The following BMPER variants were observed in gnomAD, a reference collection of about 807,000 sequenced individuals.
BMPER encodes the protein BMP binding endothelial regulator.
Under a neutral mutation model 87.3 loss-of-function variants are expected in BMPER, and 45 were observed. The ratio of observed to expected loss-of-function variants is 0.52; its 90% confidence interval spans 0.41 to 0.66. BMPER has a LOEUF of 0.66. Among genes scored for constraint, BMPER ranks in the 30% least tolerant of loss-of-function variants. The pLI, the probability that BMPER is intolerant of heterozygous loss-of-function variation, is 0.00. For synonymous variants in BMPER, 326 were observed against 316.2 expected (o/e 1.03, Z -0.33); for missense variants, 784 against 867.5 (o/e 0.90, Z 1.21).
intron 6 of BMPER, among the ~76,000 whole-genome samples, chr7:33,976,917 G>C (rs188442704): frequency 6.6e-6 from 1 of 152,232 alleles, no homozygotes; most frequent in African/African-American, 2.4e-5. Context: ...TTTCTGCCTA[G>C]TGAGTTCTTG....
intron 6 of BMPER, among the ~76,000 whole-genome samples, chr7:34,000,674 G>C (rs897534318): frequency 6.6e-6 from 1 of 152,016 alleles, no homozygotes; most frequent in Non-Finnish European, 1.5e-5. Context: ...GGGTGTGCAT[G>C]ATACTATATT....
chr7:34,106,806 G>C (rs1789831290), intron 13 of BMPER, among the ~76,000 whole-genome samples: 1 of 152,180 alleles, frequency 6.6e-6, no homozygotes, highest in African/African-American at 2.4e-5. Flanking sequence ...TCAAACCTCT[G>C]GTCCAGTCAG....
chr7:34,098,925 A>G lies in BMPER; in HGVS notation c.1745+12833A>G, dbSNP rs368154995. On this transcript the variant is annotated intron_variant, in intron 13 of 14. Transcript: ENST00000649409. Reference sequence around the variant, plus strand: ...ATCAGATGTCTGAAAACAGAGGGCTATATTGCTATAATGAGCCCATTGCCT... The same window carrying G: ...ATCAGATGTCTGAAAACAGAGGGCTGTATTGCTATAATGAGCCCATTGCCT... Among the ~76,000 whole-genome samples the G allele has an allele frequency of 2.6e-5, 4 of 152,240 alleles. No individual in the cohort carries two copies. In the East Asian group the frequency reaches 7.7e-4, roughly 29 times the overall value.
Position 33,987,352 on chromosome 7 carries a change from A to G in BMPER, c.576+12568A>G, listed in dbSNP as rs150825295. Among the ~76,000 whole-genome samples, 112 of 152,232 alleles carry G rather than the reference A, an allele frequency of 7.4e-4. 1 individual carries two copies. Among genetic ancestry groups the G allele is most frequent in the Non-Finnish European group, 4.6e-4 (31 of 68,006 alleles). ...TGTGTTTGCATCTCAGGGAGCCACA[A>G]TCCTCTCTGAAGATTGGAGGATGCT... On this transcript the variant is annotated intron_variant, in intron 6 of 14. Coordinates refer to ENST00000649409, the MANE Select transcript of BMPER (RefSeq NM_001365308.1).
intron 6 of BMPER, among the ~76,000 whole-genome samples, chr7:33,984,619 C>A (rs2127919843): frequency 6.6e-6 from 1 of 152,228 alleles, no homozygotes; most frequent in African/African-American, 2.4e-5. Flanking sequence ...TAAATTTATC[C>A]TCCTGGTAGA....
At chr7:33,913,775 G>A (rs1271600380) in intron 2 of BMPER, among the ~76,000 whole-genome samples, 4 of 152,118 alleles carry the variant, frequency 2.6e-5, no homozygotes, top group Admixed American at 1.3e-4. Context: ...TCCAGAGCAG[G>A]GCACTGCTAC....
chr7:33,918,867 G>A (rs1378726111), intron 2 of BMPER, among the ~76,000 whole-genome samples: 1 of 152,196 alleles, frequency 6.6e-6, no homozygotes, highest in Non-Finnish European at 1.5e-5. Flanking sequence ...TCCCTTAGAG[G>A]TGACTCAAAT....
chr7:34,043,399 A>T (rs1787880763), intron 6 of BMPER, among the ~76,000 whole-genome samples: 1 of 152,028 alleles, frequency 6.6e-6, no homozygotes, highest in Non-Finnish European at 1.5e-5. Flanking sequence ...ATTGATGTAG[A>T]CCTATAAGTG....
chr7:34,043,764 A>G (rs886641739), intron 6 of BMPER, among the ~76,000 whole-genome samples: 4 of 152,220 alleles, frequency 2.6e-5, no homozygotes, highest in Non-Finnish European at 5.9e-5. Context: ...TGCTGGAAAG[A>G]AGGCCTGGTC....
At chr7:33,978,702 G>A (rs558283969) in intron 6 of BMPER, among the ~76,000 whole-genome samples, 1 of 152,294 alleles carries the variant, frequency 6.6e-6, no homozygotes, top group South Asian at 2.1e-4. Flanking sequence ...TGCATTGTAA[G>A]TTGAAGATAT....
intron 4 of BMPER, among the ~76,000 whole-genome samples, chr7:33,969,430 C>T (rs1403405103): frequency 6.6e-6 from 1 of 152,194 alleles, no homozygotes; most frequent in Non-Finnish European, 1.5e-5. Context: ...GATGGAGTCT[C>T]GCTCTGTCGT....
intron 3 of BMPER, chr7:33,939,966 GT>G: frequency 3.2e-6 from 1 of 313,844 alleles, no homozygotes; most frequent in Non-Finnish European, 7.4e-6. Context: ...TGTCTCAAGG[GT>G]TTTAAGGGAC....
chr7:33,939,940 C>A, intron 3 of BMPER: 1 of 285,592 alleles, frequency 3.5e-6, no homozygotes, highest in Non-Finnish European at 8.1e-6. Flanking sequence ...CTCTTTCTAC[C>A]TCGTAATACA....
chr7:34,026,264 C>G (rs1405001529), intron 6 of BMPER, among the ~76,000 whole-genome samples: 1 of 151,900 alleles, frequency 6.6e-6, no homozygotes, highest in Non-Finnish European at 1.5e-5. Flanking sequence ...TAGGGACAGT[C>G]AGGGGGATGA....
At chr7:33,960,729 G>A (rs1044754677) in intron 3 of BMPER, among the ~76,000 whole-genome samples, 14 of 152,218 alleles carry the variant, frequency 9.2e-5, no homozygotes, top group African/African-American at 3.4e-4. Context: ...TCTGGAAGAG[G>A]AGTTGAATGG....
intron 13 of BMPER, among the ~76,000 whole-genome samples, chr7:34,106,078 A>G (rs1789811187): frequency 6.6e-6 from 1 of 152,166 alleles, no homozygotes; most frequent in South Asian, 2.1e-4. Flanking sequence ...GTGGGAGTAA[A>G]CAGATTGTGA....
intron 3 of BMPER, among the ~76,000 whole-genome samples, chr7:33,956,041 A>C (rs544667026): frequency 5.0e-4 from 69 of 138,614 alleles, no homozygotes; most frequent in Admixed American, 4.2e-3. Flanking sequence ...AAAAACCACA[A>C]AAAAAAAAAC....
intron 6 of BMPER, among the ~76,000 whole-genome samples, chr7:34,037,430 C>T (rs773922262): frequency 5.2e-4 from 78 of 150,666 alleles, no homozygotes; most frequent in Non-Finnish European, 1.0e-3. Context: ...CCTCACAGTG[C>T]CTGCTCTGTA....
chr7:34,063,159 A>G (rs945734401), intron 11 of BMPER, among the ~76,000 whole-genome samples: 1 of 152,204 alleles, frequency 6.6e-6, no homozygotes, highest in Admixed American at 6.5e-5. Context: ...CCCATGTATG[A>G]TAAGTAGGAT....
Sources: allele counts gnomAD v4.1 joint callset (sites outside exome capture counted in the v4.1 genomes callset), GRCh38; gene constraint gnomAD v4.1.1; transcripts MANE v1.5; gene names NCBI Gene and HGNC (gene_info 2026-07-23, HGNC 2026-07-21).